Variants in CDH13 observed in about 807,000 individuals in gnomAD.
CDH13 encodes cadherin-13.
In CDH13, 24 loss-of-function variants were observed where a neutral mutation model predicts 63.8. The ratio of observed to expected loss-of-function variants is 0.38; its 90% confidence interval spans 0.27 to 0.53. The LOEUF is 0.53. CDH13 is among the 20% of genes least tolerant of loss of function. The probability of loss-of-function intolerance (pLI) is 0.85; values close to 1 mark genes in which losing one functional copy is unlikely to be tolerated. For synonymous variants in CDH13, 503 were observed against 355.3 expected, an observed-to-expected ratio of 1.42 and a Z score of -4.67; for missense variants, 1,049 against 903.1, an observed-to-expected ratio of 1.16 and a Z score of -2.07.
At chr16:83,531,590 A>C (rs2075085184) in intron 7 of CDH13, among the ~76,000 whole-genome samples, 1 of 152,170 alleles carries the variant, frequency 6.6e-6, no homozygotes, top group Non-Finnish European at 1.5e-5. Context: ...GATATGCTCA[A>C]TTATCTAAGT....
intron 2 of CDH13, among the ~76,000 whole-genome samples, chr16:82,949,117 G>A (rs1905041144): frequency 6.6e-6 from 1 of 152,166 alleles, no homozygotes; most frequent in Admixed American, 6.5e-5. Context: ...ACATGAAAAA[G>A]TACTGGGTGA....
At chr16:83,114,210 G>C (rs116153351) in intron 3 of CDH13, among the ~76,000 whole-genome samples, 155 of 152,222 alleles carry the variant, frequency 1.0e-3, no homozygotes, top group African/African-American at 3.7e-3. Flanking sequence ...TTGGACCTTC[G>C]ATGCATTTTT....
At chr16:83,619,219 C>T (rs4782547) in intron 8 of CDH13, among the ~76,000 whole-genome samples, 152,175 of 152,334 alleles carry the variant, frequency 1, 76,008 homozygotes, top group East Asian at 1. Flanking sequence ...TAAGCTAGAG[C>T]GCAGGGCAGT....
At chr16:83,427,220 T>C (rs888875382) in intron 6 of CDH13, among the ~76,000 whole-genome samples, 6 of 152,130 alleles carry the variant, frequency 3.9e-5, no homozygotes, top group African/African-American at 1.4e-4. Flanking sequence ...GGCCTAAATA[T>C]GTTTCTTACA....
intron 1 of CDH13, among the ~76,000 whole-genome samples, chr16:82,651,902 A>G (rs1326865355): frequency 6.6e-6 from 1 of 152,242 alleles, no homozygotes; most frequent in Non-Finnish European, 1.5e-5. Flanking sequence ...CTGCTAGGTC[A>G]GTCCAGGGAA....
intron 3 of CDH13, among the ~76,000 whole-genome samples, chr16:83,049,830 C>G (rs1415072319): frequency 2.0e-5 from 3 of 152,108 alleles, no homozygotes; most frequent in Admixed American, 2.0e-4. Flanking sequence ...TATTTGAGTA[C>G]TAATTTTTTA....
chr16:82,806,522 A>G (rs1231633937), intron 1 of CDH13, among the ~76,000 whole-genome samples: 1 of 152,202 alleles, frequency 6.6e-6, no homozygotes, highest in Non-Finnish European at 1.5e-5. Flanking sequence ...TTTTTGTAAC[A>G]TTATCTCTCT....
At chr16:83,609,682 T>C (rs1908679915) in intron 8 of CDH13, among the ~76,000 whole-genome samples, 2 of 152,232 alleles carry the variant, frequency 1.3e-5, no homozygotes, top group Admixed American at 1.3e-4. Context: ...TCACTTTTGA[T>C]TATAGGCCAT....
intron 2 of CDH13, among the ~76,000 whole-genome samples, chr16:82,877,322 G>C (rs2040539238): frequency 6.6e-6 from 1 of 152,206 alleles, no homozygotes; most frequent in African/African-American, 2.4e-5. Context: ...CAGATAAATT[G>C]ATATGCATGG....
intron 5 of CDH13, among the ~76,000 whole-genome samples, chr16:83,340,139 G>C (rs1031013431): frequency 4.6e-5 from 7 of 152,138 alleles, no homozygotes; most frequent in Non-Finnish European, 8.8e-5. Flanking sequence ...GTATTTGACA[G>C]CTTCTCAAAA....
chr16:82,800,999 G>A (rs987348365), intron 1 of CDH13, among the ~76,000 whole-genome samples: 7 of 152,190 alleles, frequency 4.6e-5, no homozygotes, highest in African/African-American at 1.7e-4. Flanking sequence ...CTCAAAAGCA[G>A]CATTAAGTTC....
intron 6 of CDH13, among the ~76,000 whole-genome samples, chr16:83,418,874 G>A (rs1359491894): frequency 6.6e-6 from 1 of 152,050 alleles, no homozygotes; most frequent in Non-Finnish European, 1.5e-5. Context: ...CCTTCTTTGG[G>A]GAGTTGCAGG....
chr16:83,231,615 A>AT (rs374918474), intron 5 of CDH13, among the ~76,000 whole-genome samples: 4 of 152,126 alleles, frequency 2.6e-5, no homozygotes, highest in Admixed American at 1.3e-4. Flanking sequence ...GGCCCACTCC[A>AT]TTTTCACCCA....
At chr16:82,980,366 A>T (rs1224490348) in intron 2 of CDH13, among the ~76,000 whole-genome samples, 10 of 152,188 alleles carry the variant, frequency 6.6e-5, no homozygotes, top group Non-Finnish European at 1.0e-4. Flanking sequence ...ATCTCCAGGG[A>T]CCAAAGAAAG....
intron 11 of CDH13, among the ~76,000 whole-genome samples, chr16:83,755,932 G>A (rs1913474007): frequency 6.6e-6 from 1 of 152,104 alleles, no homozygotes. Context: ...AGGACATAAG[G>A]AGTTAAAAAT....
intron 1 of CDH13, among the ~76,000 whole-genome samples, chr16:82,789,682 A>G (rs576108148): frequency 1.3e-5 from 2 of 152,330 alleles, no homozygotes; most frequent in East Asian, 1.9e-4. Flanking sequence ...GTGTCAAGCA[A>G]TTGCTTATTT....
At chr16:83,417,016 C>T (rs183471418) in intron 6 of CDH13, among the ~76,000 whole-genome samples, 25 of 152,256 alleles carry the variant, frequency 1.6e-4, no homozygotes, top group Non-Finnish European at 2.6e-4. Context: ...TATTGACAAC[C>T]TTTTCTGAAT....
At chr16:82,653,760 G>T (rs554513334) in intron 1 of CDH13, among the ~76,000 whole-genome samples, 4 of 152,164 alleles carry the variant, frequency 2.6e-5, no homozygotes, top group Admixed American at 1.3e-4. Flanking sequence ...AGTGACAGAC[G>T]CTCTTAAATC....
chr16:83,370,352 C>A lies in CDH13; in HGVS notation c.781+25346C>A, dbSNP rs1280311074. ...GCAGTGAGCCAAGGCTGCGCCACTG[C>A]ACTCCAGCCTGGGTAACACAGCGAG... On this transcript the variant is annotated intron_variant, in intron 6 of 13. Coordinates refer to ENST00000567109, the MANE Select transcript of CDH13 (RefSeq NM_001257.5). 4.7e-5 allele frequency among the ~76,000 whole-genome samples: 7 copies of A among 148,892 alleles called. No homozygotes were observed. In the East Asian group the frequency reaches 1.2e-3, roughly 25 times the overall value.
Sources: gnomAD v4.1 joint callset for allele counts (sites outside exome capture counted in the v4.1 genomes callset) on GRCh38, gnomAD v4.1.1 for gene constraint, MANE v1.5 for transcripts, NCBI Gene and HGNC (gene_info 2026-07-23, HGNC 2026-07-21) for gene names.